The following PRR5L variants were observed in gnomAD, a reference collection of about 807,000 sequenced individuals.
PRR5L encodes the protein proline-rich protein 5-like.
Under a neutral mutation model 36.4 loss-of-function variants are expected in PRR5L, and 21 were observed. The observed-to-expected ratio is 0.58, with a 90% CI of 0.41 to 0.83. PRR5L has a LOEUF of 0.83. PRR5L is among the 40% of genes least tolerant of loss of function. PRR5L has a pLI of 0.00. For synonymous variants in PRR5L, 188 were observed against 197.0 expected (o/e 0.95, Z 0.38); for missense variants, 381 against 473.3 (o/e 0.80, Z 1.81).
intron 1 of PRR5L, among the ~76,000 whole-genome samples, chr11:36,351,499 ATTTTTATATATT>A (rs1856954691): frequency 1.6e-4 from 2 of 12,838 alleles, no homozygotes; most frequent in African/African-American, 9.0e-4. Flanking sequence ...ATTTATATAT[ATTTTTATATATT>A]TATATATATT....
At chr11:36,383,605 G>A (rs1212861931) in intron 1 of PRR5L, among the ~76,000 whole-genome samples, 1 of 151,860 alleles carries the variant, frequency 6.6e-6, no homozygotes, top group Non-Finnish European at 1.5e-5. Flanking sequence ...CACCTGACCC[G>A]CTAATCTTGT....
At chr11:36,454,179 A>AC (rs1262166944) in intron 8 of PRR5L, 2 of 151,686 alleles carry the variant, frequency 1.3e-5, no homozygotes, top group Non-Finnish European at 2.9e-5. Flanking sequence ...CTCTACCGCC[A>AC]CCCCCACCCC....
chr11:36,388,449 G>A (rs1235042422), intron 1 of PRR5L, among the ~76,000 whole-genome samples: 1 of 152,094 alleles, frequency 6.6e-6, no homozygotes, highest in Admixed American at 6.5e-5. Flanking sequence ...GCATTTTCAT[G>A]TTTCTGAATT....
At chr11:36,408,590 G>A (rs538139365) in intron 3 of PRR5L, among the ~76,000 whole-genome samples, 1 of 152,244 alleles carries the variant, frequency 6.6e-6, no homozygotes, top group African/African-American at 2.4e-5. Flanking sequence ...TCAATGGGGT[G>A]TTAGTGCGGT....
At position 36,315,306 on chromosome 11, in the gene PRR5L, A is replaced by G. The variant is rs116128844; in HGVS notation, c.-126+18868A>G. On this transcript the variant is annotated intron_variant, in intron 1 of 8. Transcript: ENST00000530639. Reference sequence around the variant, plus strand: ...AAGCATAGCTATTATTATTAAAAGCATATGTTTTTAATTGAACTATTAGGA... The same window carrying G: ...AAGCATAGCTATTATTATTAAAAGCGTATGTTTTTAATTGAACTATTAGGA... Among the ~76,000 whole-genome samples, 1,058 of 152,328 alleles carry G rather than the reference A, an allele frequency of 6.9e-3. 11 individuals carry two copies. Among genetic ancestry groups the G allele is most frequent in the African/African-American group, 0.024 (1,013 of 41,568 alleles).
At chr11:36,432,530 T>C (rs1049048218) in intron 5 of PRR5L, among the ~76,000 whole-genome samples, 4 of 152,142 alleles carry the variant, frequency 2.6e-5, no homozygotes, top group African/African-American at 9.7e-5. Context: ...TACTCTTAGC[T>C]CCCACCAAAG....
At chr11:36,336,886 G>A (rs1211149581) in intron 1 of PRR5L, among the ~76,000 whole-genome samples, 1 of 151,934 alleles carries the variant, frequency 6.6e-6, no homozygotes, top group Non-Finnish European at 1.5e-5. Context: ...CTCATAGATG[G>A]GTACCTCTGT....
intron 1 of PRR5L, among the ~76,000 whole-genome samples, chr11:36,329,547 T>G (rs1310058099): frequency 2.0e-5 from 3 of 152,208 alleles, no homozygotes; most frequent in Non-Finnish European, 4.4e-5. Flanking sequence ...TTATTCCCAT[T>G]TTGCTCAAAG....
At chr11:36,320,283 G>A (rs555932817) in intron 1 of PRR5L, among the ~76,000 whole-genome samples, 15 of 130,986 alleles carry the variant, frequency 1.1e-4, no homozygotes, top group South Asian at 2.4e-4. Flanking sequence ...TCACTCTGTC[G>A]TCCAGGCTGG....
At chr11:36,417,660 G>A (rs1345554256) in intron 3 of PRR5L, among the ~76,000 whole-genome samples, 1 of 152,154 alleles carries the variant, frequency 6.6e-6, no homozygotes, top group Non-Finnish European at 1.5e-5. Context: ...GCTTTCCAGG[G>A]CTTTTTCTGC....
At chr11:36,458,368 C>G (rs144349115) in intron 8 of PRR5L, among the ~76,000 whole-genome samples, 28 of 152,328 alleles carry the variant, frequency 1.8e-4, no homozygotes, top group Middle Eastern at 3.4e-3. Context: ...AGTGGGCATA[C>G]TAAGAACAAC....
chr11:36,453,116 C>T (rs558380506), intron 8 of PRR5L, among the ~76,000 whole-genome samples: 7 of 152,330 alleles, frequency 4.6e-5, no homozygotes, highest in African/African-American at 1.7e-4. Context: ...TCTCTGTTGG[C>T]ATTGCTGGCT....
chr11:36,423,062 T>C (rs1175021586), intron 4 of PRR5L, among the ~76,000 whole-genome samples: 1 of 149,122 alleles, frequency 6.7e-6, no homozygotes, highest in Non-Finnish European at 1.5e-5. Flanking sequence ...TGTTATAAGC[T>C]TTTGCCCCAA....
rs562254867 is a variant in PRR5L, at chr11:36,371,441, C to T, written c.-125-29556C>T. The stretch of plus-strand genomic sequence containing the variant: ...CTAGATTGGTATTTATCATGAGTAA[C>T]TACATTAACTCATTTTATTACCTGA... On this transcript the variant is annotated intron_variant, in intron 1 of 8. Transcript: ENST00000530639. Among the ~76,000 whole-genome samples, 5 of 152,308 alleles carry T rather than the reference C, an allele frequency of 3.3e-5. No homozygotes were observed. In the South Asian group the frequency reaches 1.0e-3, roughly 32 times the overall value.
At chr11:36,347,132 G>A (rs1488439706) in intron 1 of PRR5L, among the ~76,000 whole-genome samples, 2 of 152,100 alleles carry the variant, frequency 1.3e-5, no homozygotes, top group Non-Finnish European at 2.9e-5. Context: ...GTTACCTTGG[G>A]GAGAAAAAGG....
In PRR5L at chr11:36,330,946, C is replaced by G. The variant is rs893660855; in HGVS notation, c.-126+34508C>G. ...TCAGCTTCCTGAGTAGCTGGGATTA[C>G]AGACGTCCACCACCCTGCCTGGCTA... On this transcript the variant is annotated intron_variant, in intron 1 of 8. Transcript: ENST00000530639. 3.3e-5 allele frequency among the ~76,000 whole-genome samples: 5 copies of G among 152,194 alleles called. No homozygotes were observed. In the East Asian group the frequency reaches 9.7e-4, roughly 29 times the overall value.
intron 1 of PRR5L, among the ~76,000 whole-genome samples, chr11:36,331,253 T>C (rs1033287511): frequency 1.3e-5 from 2 of 152,364 alleles, no homozygotes; most frequent in Non-Finnish European, 1.5e-5. Flanking sequence ...AATAACCTAA[T>C]TTGTTTAACA....
intron 1 of PRR5L, among the ~76,000 whole-genome samples, chr11:36,387,418 A>G (rs978375931): frequency 2.6e-5 from 4 of 152,240 alleles, no homozygotes; most frequent in Non-Finnish European, 4.4e-5. Context: ...AAGTATAAAA[A>G]AAAAGAAATC....
chr11:36,338,331 A>C (rs1856787592), intron 1 of PRR5L, among the ~76,000 whole-genome samples: 1 of 152,098 alleles, frequency 6.6e-6, no homozygotes, highest in Non-Finnish European at 1.5e-5. Flanking sequence ...CTTTCTCTCC[A>C]TTCATTCACC....
Sources: gnomAD v4.1 joint callset for allele counts (sites outside exome capture counted in the v4.1 genomes callset) on GRCh38, gnomAD v4.1.1 for gene constraint, MANE v1.5 for transcripts, NCBI Gene and HGNC (gene_info 2026-07-23, HGNC 2026-07-21) for gene names.